The following ADGRV1 variants were observed in gnomAD, a reference collection of about 807,000 sequenced individuals.
ADGRV1 encodes the protein adhesion G protein-coupled receptor V1, also known as G-protein coupled receptor 98.
A neutral mutation model predicts 596.2 loss-of-function variants in ADGRV1; 359 were observed. The observed-to-expected ratio is 0.60, with a 90% CI of 0.55 to 0.66. The LOEUF is 0.66. Ranked by LOEUF, ADGRV1 falls within the 30% of genes least tolerant of loss-of-function variation. The pLI is 0.00. For missense variants in ADGRV1, 7,274 were observed against 7,575.6 expected (o/e 0.96, Z 1.48); for synonymous variants, 2,681 against 2,679.2 (o/e 1.00, Z -0.02).
chr5:90,855,315 T>C (rs1011907829), intron 81 of ADGRV1, among the ~76,000 whole-genome samples: 4 of 152,176 alleles, frequency 2.6e-5, no homozygotes, highest in African/African-American at 7.2e-5. Context: ...GTAATTTATA[T>C]GGTTCAAAAT....
At chr5:90,644,939 T>A in intron 15 of ADGRV1, 70 bp downstream of exon 15, 1 of 1,062,822 alleles carries the variant, frequency 9.4e-7, no homozygotes, top group Non-Finnish European at 1.3e-6. Context: ...ATTAAATAAT[T>A]AAACATCTGG....
At chr5:90,789,551 T>C (rs1213568917) in intron 68 of ADGRV1, 151 bp from the exon 69 acceptor site, 7 of 441,780 alleles carry the variant, frequency 1.6e-5, no homozygotes, top group Non-Finnish European at 2.4e-5. Context: ...AAAGAAGTTT[T>C]CAAAAATTAG....
At chr5:90,838,912 T>C (rs78642884) in intron 77 of ADGRV1, among the ~76,000 whole-genome samples, 7,088 of 152,256 alleles carry the variant, frequency 0.047, 580 homozygotes, top group African/African-American at 0.16. Context: ...ACTCTACATT[T>C]AAATATATTT....
intron 42 of ADGRV1, among the ~76,000 whole-genome samples, chr5:90,713,851 C>A (rs1749721318): frequency 6.6e-6 from 1 of 152,124 alleles, no homozygotes; most frequent in Admixed American, 6.5e-5. Context: ...TGGGCTCTCT[C>A]AAGCTTACTT....
intron 87 of ADGRV1, among the ~76,000 whole-genome samples, chr5:91,136,899 A>T (rs1373337490): frequency 6.6e-6 from 1 of 152,104 alleles, no homozygotes; most frequent in Non-Finnish European, 1.5e-5. Flanking sequence ...TTGTCAAATT[A>T]CCGATTACAA....
intron 20 of ADGRV1, among the ~76,000 whole-genome samples, chr5:90,656,774 T>A (rs1354736892): frequency 6.6e-6 from 1 of 152,158 alleles, no homozygotes; most frequent in East Asian, 1.9e-4. Flanking sequence ...TGCCAATATC[T>A]CATCTTGCCT....
intron 50 of ADGRV1, among the ~76,000 whole-genome samples, chr5:90,744,393 T>G (rs2149906740): frequency 6.6e-6 from 1 of 152,256 alleles, no homozygotes; most frequent in Non-Finnish European, 1.5e-5. Flanking sequence ...TTAATTAACT[T>G]GAAGAATTTA....
intron 85 of ADGRV1, among the ~76,000 whole-genome samples, chr5:91,044,292 A>C (rs567768335): frequency 6.6e-6 from 1 of 152,152 alleles, no homozygotes; most frequent in South Asian, 2.1e-4. Flanking sequence ...TTGACTTCTC[A>C]AAGTCAGTTA....
chr5:90,617,778 A>G (rs1186112518), intron 2 of ADGRV1, 26 bp from the exon 3 acceptor site: 16 of 1,564,506 alleles, frequency 1.0e-5, no homozygotes, highest in Non-Finnish European at 1.4e-5. Context: ...GTTAAATAAG[A>G]ATGATCTATA....
intron 89 of ADGRV1, among the ~76,000 whole-genome samples, chr5:91,158,430 G>GA (rs759826399): frequency 6.6e-6 from 1 of 152,134 alleles, no homozygotes; most frequent in Non-Finnish European, 1.5e-5. Context: ...CTACAAGGTG[G>GA]AAAAAAGTTC....
At chr5:91,005,462 G>A (rs1013359749) in intron 85 of ADGRV1, among the ~76,000 whole-genome samples, 3 of 151,826 alleles carry the variant, frequency 2.0e-5, no homozygotes, top group South Asian at 2.1e-4. Context: ...TCTGCCTCCC[G>A]AGTAGCTGGG....
chr5:90,658,677 AT>A (rs4019486), intron 21 of ADGRV1, among the ~76,000 whole-genome samples: 28 of 148,512 alleles, frequency 1.9e-4, no homozygotes, highest in Middle Eastern at 3.4e-3. Flanking sequence ...TGATTTTTTG[AT>A]TTTTTTTTTT....
At chr5:90,751,260 C>A (rs1447807763) in intron 53 of ADGRV1, among the ~76,000 whole-genome samples, 1 of 152,126 alleles carries the variant, frequency 6.6e-6, no homozygotes, top group East Asian at 1.9e-4. Context: ...TTGATTGCAA[C>A]TGAGTTCAGG....
At chr5:90,945,293 C>T (rs1776479073) in intron 83 of ADGRV1, among the ~76,000 whole-genome samples, 1 of 151,466 alleles carries the variant, frequency 6.6e-6, no homozygotes, top group South Asian at 2.1e-4. Flanking sequence ...CTGGTTACTT[C>T]AATAACGAGA....
In ADGRV1 at chr5:90,810,660, G is replaced by A. The variant is rs746500977; in HGVS notation, c.15400G>A (p.Asp5134Asn). The A allele has an allele frequency of 5.6e-6, 9 of 1,613,820 alleles. No homozygotes were observed. Among genetic ancestry groups the A allele is most frequent in the South Asian group, 1.1e-5 (1 of 91,076 alleles). The change falls in exon 74 of 90, where the codon GAT becomes AAT. Residue 5134 changes from aspartate (D) to asparagine (N), a missense_variant. Around this residue, in one of 5 missense-constraint regions of ADGRV1, gnomAD observed 1,874 missense variants for 1,970.2 expected, o/e 0.95. Transcript: ENST00000405460. Reference sequence around the variant, plus strand: ...GGATAATGATGACCTGGCAGGAATGGATATTTCCTTCCCCGAGACAACTGT... The same window carrying A: ...GGATAATGATGACCTGGCAGGAATGAATATTTCCTTCCCCGAGACAACTGT... ...ILDNDDLAGM[D>N]ISFPETTVAV...
At chr5:90,749,557 G>A (rs182450721) in intron 52 of ADGRV1, among the ~76,000 whole-genome samples, 3 of 152,290 alleles carry the variant, frequency 2.0e-5, no homozygotes, top group Admixed American at 2.0e-4. Flanking sequence ...ACTCAAATTA[G>A]CATTCTAAGT....
At position 90,891,400 on chromosome 5, in the gene ADGRV1, T is replaced by C. The variant is rs1292433570; in HGVS notation, c.17856+27543T>C. On this transcript the variant is annotated intron_variant, in intron 83 of 89. Coordinates refer to ENST00000405460, the MANE Select transcript of ADGRV1 (RefSeq NM_032119.4). ...CTTCCTATAGATGACTGATAAGTGA[T>C]AGCTATATTCTAAATATAATTAAGA... Among the ~76,000 whole-genome samples, 8 of 151,388 alleles carry C rather than the reference T, an allele frequency of 5.3e-5. No individual in the cohort carries two copies. In the East Asian group the frequency reaches 1.5e-3, roughly 29 times the overall value.
intron 87 of ADGRV1, among the ~76,000 whole-genome samples, chr5:91,145,802 T>A (rs932129154): frequency 1.3e-5 from 2 of 152,194 alleles, no homozygotes; most frequent in Non-Finnish European, 2.9e-5. Context: ...CAAGAAGGGA[T>A]CATTTGAGTA....
chr5:90,819,923 C>G (rs1763307014), intron 75 of ADGRV1, among the ~76,000 whole-genome samples: 1 of 151,580 alleles, frequency 6.6e-6, no homozygotes, highest in Non-Finnish European at 1.5e-5. Context: ...CTGTAGATGT[C>G]TGTTAGGTCT....
Sources: allele counts gnomAD v4.1 joint callset (sites outside exome capture counted in the v4.1 genomes callset), GRCh38; gene constraint gnomAD v4.1.1; regional missense constraint gnomAD v4.1.1; transcripts MANE v1.5; gene names NCBI Gene and HGNC (gene_info 2026-07-23, HGNC 2026-07-21).